The following TAF3 variants were observed in gnomAD, a reference collection of about 807,000 sequenced individuals.
TAF3 encodes the protein TATA-box binding protein associated factor 3.
In TAF3, 7 loss-of-function variants were observed where a neutral mutation model predicts 80.6. The observed-to-expected ratio is 0.09, with a 90% CI of 0.05 to 0.16. The LOEUF (loss-of-function observed/expected upper bound fraction) is 0.16, where lower values mean the gene tolerates loss of function less well. TAF3 is among the 10% of genes least tolerant of loss of function. The pLI, the probability that TAF3 is intolerant of heterozygous loss-of-function variation, is 1.00. For missense variants in TAF3, 921 were observed against 1,140.2 expected, an observed-to-expected ratio of 0.81 and a Z score of 2.77; for synonymous variants, 444 against 446.1, an observed-to-expected ratio of 1.00 and a Z score of 0.06.
At chr10:7,856,489 T>TA (rs935603794) in intron 2 of TAF3, among the ~76,000 whole-genome samples, 6 of 151,926 alleles carry the variant, frequency 3.9e-5, no homozygotes, top group Admixed American at 2.6e-4. Context: ...TCAAAATAAA[T>TA]AAAAAAATAG....
intron 3 of TAF3, among the ~76,000 whole-genome samples, chr10:7,976,867 A>C (rs1334738453): frequency 6.6e-6 from 1 of 152,192 alleles, no homozygotes; most frequent in Non-Finnish European, 1.5e-5. Flanking sequence ...CTTTTATCTT[A>C]TAGGGAAGAC....
At chr10:7,912,756 AT>A (rs1837668209) in intron 2 of TAF3, among the ~76,000 whole-genome samples, 1 of 152,204 alleles carries the variant, frequency 6.6e-6, no homozygotes, top group Admixed American at 6.5e-5. Flanking sequence ...TCAATGGTTC[AT>A]TGCCAGTGGC....
At chr10:8,010,283 TAGTC>T (rs904765447) in intron 5 of TAF3, among the ~76,000 whole-genome samples, 61 of 152,352 alleles carry the variant, frequency 4.0e-4, no homozygotes, top group African/African-American at 1.1e-3. Flanking sequence ...AATGTTCACA[TAGTC>T]AGCCTCCATA....
At chr10:7,823,082 C>T (rs1836705465) in intron 1 of TAF3, among the ~76,000 whole-genome samples, 1 of 152,144 alleles carries the variant, frequency 6.6e-6, no homozygotes, top group African/African-American at 2.4e-5. Flanking sequence ...TTCTGCACTC[C>T]AGCCTGGGCA....
intron 2 of TAF3, among the ~76,000 whole-genome samples, chr10:7,901,389 A>T (rs1159479918): frequency 1.3e-5 from 2 of 152,264 alleles, no homozygotes; most frequent in Non-Finnish European, 2.9e-5. Context: ...AAACAAAGAA[A>T]TTAATTATCC....
At chr10:7,906,658 A>C (rs1837610933) in intron 2 of TAF3, among the ~76,000 whole-genome samples, 1 of 151,962 alleles carries the variant, frequency 6.6e-6, no homozygotes, top group Admixed American at 6.5e-5. Flanking sequence ...AAAATATTGA[A>C]ATTTATTCCT....
intron 2 of TAF3, among the ~76,000 whole-genome samples, chr10:7,879,415 A>T (rs1370787449): frequency 6.6e-6 from 1 of 152,178 alleles, no homozygotes; most frequent in Non-Finnish European, 1.5e-5. Flanking sequence ...TTGAGTCAGA[A>T]CTATTTTTAT....
chr10:7,893,265 A>G (rs1205570527), intron 2 of TAF3, among the ~76,000 whole-genome samples: 1 of 152,236 alleles, frequency 6.6e-6, no homozygotes, highest in African/African-American at 2.4e-5. Context: ...GATTCCTGAA[A>G]GAAAGCTTTG....
At chr10:7,960,860 C>A (rs1392288635) in intron 2 of TAF3, among the ~76,000 whole-genome samples, 1 of 152,152 alleles carries the variant, frequency 6.6e-6, no homozygotes, top group Non-Finnish European at 1.5e-5. Flanking sequence ...AATAGATAAC[C>A]CCAGGCATAA....
At chr10:7,836,633 A>G (rs1484422099) in intron 2 of TAF3, among the ~76,000 whole-genome samples, 2 of 152,184 alleles carry the variant, frequency 1.3e-5, no homozygotes, top group Non-Finnish European at 2.9e-5. Context: ...TGGTGGCACC[A>G]TCTCTACTCA....
intron 2 of TAF3, among the ~76,000 whole-genome samples, chr10:7,884,038 A>G (rs1431197474): frequency 6.6e-6 from 1 of 152,084 alleles, no homozygotes; most frequent in Non-Finnish European, 1.5e-5. Context: ...TAACCCATCC[A>G]TCTGTGAGTG....
intron 5 of TAF3, among the ~76,000 whole-genome samples, chr10:8,011,596 G>C (rs542853223): frequency 6.6e-6 from 1 of 152,262 alleles, no homozygotes; most frequent in Admixed American, 6.5e-5. Flanking sequence ...TTTCCTTAAA[G>C]GAGTTTTGGA....
At chr10:7,942,249 C>CT (rs1218285528) in intron 2 of TAF3, among the ~76,000 whole-genome samples, 2 of 152,148 alleles carry the variant, frequency 1.3e-5, no homozygotes, top group Non-Finnish European at 2.9e-5. Context: ...TTCAGTCGAG[C>CT]TTCCCATATA....
chr10:7,889,101 A>G (rs1424321778), intron 2 of TAF3, among the ~76,000 whole-genome samples: 1 of 152,106 alleles, frequency 6.6e-6, no homozygotes, highest in Non-Finnish European at 1.5e-5. Flanking sequence ...TTTACTTCAT[A>G]TCCTTGTGGA....
intron 2 of TAF3, among the ~76,000 whole-genome samples, chr10:7,860,679 A>C (rs1168793213): frequency 1.3e-5 from 2 of 152,194 alleles, no homozygotes; most frequent in Non-Finnish European, 2.9e-5. Flanking sequence ...TTTTTATATC[A>C]TTCTGAACTT....
rs565780156 is a variant in TAF3 at position 7,914,426 on chromosome 10, C to T, written c.410-49494C>T. Among the ~76,000 whole-genome samples, 3 of 152,272 alleles carry T rather than the reference C, an allele frequency of 2.0e-5. No individual in the cohort carries two copies. In the East Asian group the frequency reaches 5.8e-4, roughly 29 times the overall value. The stretch of plus-strand genomic sequence containing the variant: ...TTGTTTCACAGCACTTATAATCTGT[C>T]GGTAAGAGTATTTTGTTTATTTATT... On this transcript the variant is annotated intron_variant, in intron 2 of 6. Transcript: ENST00000344293.
intron 2 of TAF3, among the ~76,000 whole-genome samples, chr10:7,913,728 G>C (rs1588549816): frequency 6.6e-6 from 1 of 152,180 alleles, no homozygotes; most frequent in African/African-American, 2.4e-5. Flanking sequence ...ATCACTGAAA[G>C]TGAGACAGCA....
chr10:7,940,314 TTTAA>T (rs1160278060), intron 2 of TAF3, among the ~76,000 whole-genome samples: 3 of 152,234 alleles, frequency 2.0e-5, no homozygotes, highest in Admixed American at 6.5e-5. Context: ...TCAGTCTCAA[TTTAA>T]TTAAATCTAA....
Position 7,852,643 on chromosome 10 carries a change from C to T in TAF3, c.409+28083C>T, listed in dbSNP as rs572561199. On this transcript the variant is annotated intron_variant, in intron 2 of 6. Transcript: ENST00000344293. Reference sequence around the variant, plus strand: ...CTTCATAGCTGGGGGTGTGTAACTCCGTCAGAGTACACATAATATCAACAT... The same window carrying T: ...CTTCATAGCTGGGGGTGTGTAACTCTGTCAGAGTACACATAATATCAACAT... 1.6e-4 allele frequency among the ~76,000 whole-genome samples: 24 copies of T among 152,268 alleles called. No individual in the cohort carries two copies. The East Asian group carries it at 1.9e-3, about 12-fold the overall frequency.
Sources: allele counts gnomAD v4.1 joint callset (sites outside exome capture counted in the v4.1 genomes callset), GRCh38; gene constraint gnomAD v4.1.1; transcripts MANE v1.5; gene names NCBI Gene and HGNC (gene_info 2026-07-23, HGNC 2026-07-21).